The following MGMT variants were observed in gnomAD, a reference collection of about 807,000 sequenced individuals.
MGMT encodes O-6-methylguanine-DNA methyltransferase.
In MGMT, 14 loss-of-function variants were observed where a neutral mutation model predicts 15.9. The observed-to-expected ratio is 0.88, with a 90% confidence interval of 0.58 to 1.37. The LOEUF (loss-of-function observed/expected upper bound fraction) is 1.37, where lower values mean the gene tolerates loss of function less well. Among genes scored for constraint, MGMT ranks in the 40% most tolerant of loss-of-function variants. The pLI is 0.00. For synonymous variants in MGMT, 130 were observed against 118.2 expected (o/e 1.10, Z -0.65); for missense variants, 282 against 268.1 (o/e 1.05, Z -0.36).
At chr10:129,749,864 G>A (rs983302000) in intron 3 of MGMT, among the ~76,000 whole-genome samples, 5 of 152,108 alleles carry the variant, frequency 3.3e-5, no homozygotes, top group Non-Finnish European at 7.4e-5. Flanking sequence ...AGCTCCTAAA[G>A]ACAAATTATG....
intron 2 of MGMT, among the ~76,000 whole-genome samples, chr10:129,611,047 A>G (rs976734780): frequency 6.6e-6 from 1 of 152,160 alleles, no homozygotes; most frequent in African/African-American, 2.4e-5. Flanking sequence ...TGTATGTTCT[A>G]TTTTGCAGTT....
At chr10:129,690,739 G>A (rs1847960287) in intron 2 of MGMT, among the ~76,000 whole-genome samples, 1 of 152,118 alleles carries the variant, frequency 6.6e-6, no homozygotes, top group Non-Finnish European at 1.5e-5. Flanking sequence ...AGGCCTGGGG[G>A]AAAAGGGGAG....
chr10:129,600,135 C>G (rs1286700621), intron 2 of MGMT, among the ~76,000 whole-genome samples: 1 of 152,204 alleles, frequency 6.6e-6, no homozygotes, highest in African/African-American at 2.4e-5. Flanking sequence ...TCAGTAGTAT[C>G]TCCAGGGATA....
chr10:129,541,996 A>AG (rs1232315211), intron 2 of MGMT, among the ~76,000 whole-genome samples: 1 of 151,928 alleles, frequency 6.6e-6, no homozygotes, highest in African/African-American at 2.4e-5. Context: ...GGCTGGCCTG[A>AG]CCCTAGACCC....
intron 1 of MGMT, among the ~76,000 whole-genome samples, chr10:129,527,477 C>A (rs1440256837): frequency 6.6e-6 from 1 of 152,192 alleles, no homozygotes. Flanking sequence ...CCCTGAGGTT[C>A]CAGTGGGCTG....
chr10:129,501,039 G>A (rs1845569207), intron 1 of MGMT, among the ~76,000 whole-genome samples: 1 of 152,186 alleles, frequency 6.6e-6, no homozygotes, highest in Admixed American at 6.5e-5. Context: ...TCAGTGACGG[G>A]GTCAGTCACT....
intron 1 of MGMT, among the ~76,000 whole-genome samples, chr10:129,524,399 A>G (rs955849004): frequency 6.6e-6 from 1 of 152,146 alleles, no homozygotes; most frequent in African/African-American, 2.4e-5. Context: ...CAGCTCTGCC[A>G]TGCACCGTGC....
chr10:129,550,372 C>T (rs1228313907), intron 2 of MGMT, among the ~76,000 whole-genome samples: 1 of 148,660 alleles, frequency 6.7e-6, no homozygotes, highest in Non-Finnish European at 1.5e-5. Context: ...ACCACCGCCA[C>T]CCAGCACCGG....
At chr10:129,675,410 C>A (rs1331512746) in intron 2 of MGMT, among the ~76,000 whole-genome samples, 2 of 152,184 alleles carry the variant, frequency 1.3e-5, no homozygotes, top group Non-Finnish European at 1.5e-5. Flanking sequence ...GCAGTGACGT[C>A]TGTAAGTGGA....
At chr10:129,756,638 T>G (rs1564786242) in intron 3 of MGMT, among the ~76,000 whole-genome samples, 1 of 152,098 alleles carries the variant, frequency 6.6e-6, no homozygotes, top group Non-Finnish European at 1.5e-5. Context: ...CCTGGCTAAT[T>G]TTTTTATTTT....
At chr10:129,729,673 A>G (rs1328485906) in intron 3 of MGMT, among the ~76,000 whole-genome samples, 1 of 152,214 alleles carries the variant, frequency 6.6e-6, no homozygotes, top group African/African-American at 2.4e-5. Flanking sequence ...TCCTTCTGAC[A>G]GCTCTGTCAG....
intron 2 of MGMT, among the ~76,000 whole-genome samples, chr10:129,690,671 G>A (rs1168922036): frequency 6.6e-6 from 1 of 152,352 alleles, no homozygotes; most frequent in Non-Finnish European, 1.5e-5. Context: ...CTGAGGCCAG[G>A]ATGGGGAGAC....
rs76909947 is a variant in MGMT at position 129,513,026 on chromosome 10, C to A, written c.-12-23215C>A. On this transcript the variant is annotated intron_variant, in intron 1 of 4. Coordinates refer to ENST00000651593, the MANE Select transcript of MGMT (RefSeq NM_002412.5). ...ACGTCTATCTGTGAGTGAACAGATA[C>A]ATTAAATGTGGCCTATCCATGCAAT... 1.0e-2 allele frequency among the ~76,000 whole-genome samples: 1,516 copies of A among 152,332 alleles called. 25 individuals carry two copies. The highest frequency in any genetic ancestry group is 0.041 in the South Asian group (198 of 4,832).
rs973758546 is a variant in MGMT at position 129,768,149 on chromosome 10, G to T, written c.*1152G>T. On this transcript the variant is annotated 3_prime_UTR_variant, in exon 5 of 5. Transcript: ENST00000651593. The stretch of plus-strand genomic sequence containing the variant: ...TCGCATGGTTCTACACGTCACCGAG[G>T]CCTGGATGAAAATGTGGCCTCACGA... 10 of 152,212 alleles carry T rather than the reference G, an allele frequency of 6.6e-5. No individual in the cohort carries two copies. Among genetic ancestry groups the T allele is most frequent in the African/African-American group, 2.2e-4 (9 of 41,460 alleles). 9.4% of individuals were successfully genotyped at this position (152,212 alleles called of 1,614,324 possible). A position where few individuals can be genotyped will look rare whatever the true frequency, so the allele number is the denominator to read the frequency against.
intron 2 of MGMT, among the ~76,000 whole-genome samples, chr10:129,572,756 C>CA (rs1318691385): frequency 1.6e-4 from 24 of 152,146 alleles, no homozygotes; most frequent in African/African-American, 5.8e-4. Flanking sequence ...GAGACTGTGC[C>CA]ATTAAGAGTT....
chr10:129,502,545 A>T (rs1208252129), intron 1 of MGMT, among the ~76,000 whole-genome samples: 2 of 147,886 alleles, frequency 1.4e-5, no homozygotes, highest in Non-Finnish European at 3.0e-5. Flanking sequence ...AAAAATGAGT[A>T]AAAAAAAAAT....
chr10:129,498,937 G>C (rs1179636627), intron 1 of MGMT, among the ~76,000 whole-genome samples: 1 of 152,190 alleles, frequency 6.6e-6, no homozygotes, highest in Non-Finnish European at 1.5e-5. Context: ...TTCTGTGTCT[G>C]CTGTCTGCAT....
intron 2 of MGMT, among the ~76,000 whole-genome samples, chr10:129,543,975 G>T (rs1449197122): frequency 6.6e-6 from 1 of 152,186 alleles, no homozygotes; most frequent in Non-Finnish European, 1.5e-5. Flanking sequence ...AGGTAAATGG[G>T]TTAACTTCAG....
chr10:129,651,411 GAA>G (rs562204201), intron 2 of MGMT, among the ~76,000 whole-genome samples: 5 of 145,888 alleles, frequency 3.4e-5, no homozygotes, highest in African/African-American at 1.3e-4. Flanking sequence ...TTTTTTTTAA[GAA>G]AAAAAAAAGC....
Sources: allele counts gnomAD v4.1 joint callset (sites outside exome capture counted in the v4.1 genomes callset), GRCh38; gene constraint gnomAD v4.1.1; transcripts MANE v1.5; gene names NCBI Gene and HGNC (gene_info 2026-07-23, HGNC 2026-07-21).